Variants in PPFIA1 observed in about 807,000 individuals in gnomAD.
PPFIA1 encodes liprin-alpha-1.
A neutral mutation model predicts 149.9 loss-of-function variants in PPFIA1; 25 were observed. The observed-to-expected ratio is 0.17, with a 90% CI of 0.12 to 0.23. The LOEUF (loss-of-function observed/expected upper bound fraction) is 0.23. Among genes scored for constraint, PPFIA1 ranks in the 10% least tolerant of loss-of-function variants. The pLI, the probability that PPFIA1 is intolerant of heterozygous loss-of-function variation, is 1.00. For missense variants in PPFIA1, 1,362 were observed against 1,506.5 expected (o/e 0.90, Z 1.59); for synonymous variants, 549 against 552.8 (o/e 0.99, Z 0.10).
intron 2 of PPFIA1, among the ~76,000 whole-genome samples, chr11:70,319,105 A>G (rs910724471): frequency 3.3e-5 from 5 of 151,824 alleles, no homozygotes; most frequent in African/African-American, 1.2e-4. Flanking sequence ...TTCAAAACAT[A>G]CTCTTCCCGT....
chr11:70,362,625 C>G, intron 21 of PPFIA1, 137 bp downstream of exon 21: 2 of 826,246 alleles, frequency 2.4e-6, no homozygotes. Context: ...TTTAGCATCA[C>G]ATACATTAGA....
At chr11:70,324,368 CTTAT>C (rs1455446924) in intron 2 of PPFIA1, 30 bp from the exon 3 acceptor site, 4 of 1,517,878 alleles carry the variant, frequency 2.6e-6, no homozygotes, top group East Asian at 2.3e-5. Context: ...GGGGGTCTTT[CTTAT>C]TTATTTAATT....
At chr11:70,363,393 A>T (rs1293792524) in intron 21 of PPFIA1, 1 of 152,200 alleles carries the variant, frequency 6.6e-6, no homozygotes, top group African/African-American at 2.4e-5. Flanking sequence ...ACTTAATGTT[A>T]TGTCTGTGAA....
chr11:70,272,232 A>C lies in PPFIA1; in HGVS notation c.60A>C (p.Gly20=). The change falls in exon 2 of 28, where the codon GGA becomes GGC. Residue 20 remains glycine (G), a synonymous_variant. Coordinates refer to ENST00000253925, the MANE Select transcript of PPFIA1 (RefSeq NM_003626.5). ...CAGAAGGCCCCCCTGGAGGAGGTGG[A>C]GGCCATGGTTCCGGCTCCCCTTCAC... The part of the protein sequence containing the change: ...SEAEGPPGGG[G]GHGSGSPSQP... 6.2e-7 allele frequency: 1 copy of C among 1,614,108 alleles called. No individual in the cohort carries two copies. The highest frequency in any genetic ancestry group is 8.5e-7 in the Non-Finnish European group (1 of 1,179,986).
chr11:70,308,354 G>A (rs548659851), intron 2 of PPFIA1, among the ~76,000 whole-genome samples: 2 of 152,278 alleles, frequency 1.3e-5, no homozygotes, highest in South Asian at 4.1e-4. Context: ...GGCCAGTGAT[G>A]GCTTTAGACT....
chr11:70,333,335 G>GAGT (rs2136968029), intron 9 of PPFIA1, 135 bp from the exon 10 acceptor site: 2 of 708,638 alleles, frequency 2.8e-6, no homozygotes, highest in East Asian at 5.5e-5. Flanking sequence ...GTTGATGGAT[G>GAGT]AGTACATGCT....
chr11:70,296,105 C>T (rs1298348108), intron 2 of PPFIA1, among the ~76,000 whole-genome samples: 2 of 152,060 alleles, frequency 1.3e-5, no homozygotes, highest in Non-Finnish European at 2.9e-5. Context: ...AGAGACGCTC[C>T]TCACTTCCTA....
intron 2 of PPFIA1, among the ~76,000 whole-genome samples, chr11:70,291,774 G>T (rs2051539440): frequency 6.6e-6 from 1 of 151,702 alleles, no homozygotes; most frequent in East Asian, 1.9e-4. Context: ...GGGCTCAGGT[G>T]ATCCTCCCAC....
intron 2 of PPFIA1, among the ~76,000 whole-genome samples, chr11:70,287,316 T>G (rs2510362): frequency 5.3e-5 from 8 of 152,300 alleles, no homozygotes; most frequent in South Asian, 2.1e-4. Context: ...TCCTTTTTTT[T>G]GTACAACTTT....
Position 70,372,455 on chromosome 11 carries a change from ATCTC to A in PPFIA1, c.3042-18_3042-15del, listed in dbSNP as rs1565462351. 3 of 1,612,708 alleles carry A rather than the reference ATCTC, an allele frequency of 1.9e-6. No individual in the cohort carries two copies. The highest frequency in any genetic ancestry group is 3.3e-5 in the Admixed American group (2 of 59,958). The stretch of plus-strand genomic sequence containing the variant: ...TTTTCACTGTTACCATCTCTAAATC[ATCTC>A]TCTTTTCTTCCAAATAGAAACAGTT... On this transcript the variant is annotated intron_variant, in intron 22 of 27. Coordinates refer to ENST00000253925, the MANE Select transcript of PPFIA1 (RefSeq NM_003626.5).
At chr11:70,283,385 T>G (rs535614325) in intron 2 of PPFIA1, among the ~76,000 whole-genome samples, 30 of 152,218 alleles carry the variant, frequency 2.0e-4, no homozygotes, top group African/African-American at 6.5e-4. Context: ...AGGTCCCAAA[T>G]TTTGCCAGTC....
At chr11:70,354,048 G>A (rs2056221242) in intron 16 of PPFIA1, among the ~76,000 whole-genome samples, 3 of 152,140 alleles carry the variant, frequency 2.0e-5, no homozygotes, top group Admixed American at 2.0e-4. Flanking sequence ...GCATGGAGGA[G>A]GCTGAGGATG....
At chr11:70,330,809 T>G (rs2054607082) in intron 8 of PPFIA1, among the ~76,000 whole-genome samples, 1 of 152,076 alleles carries the variant, frequency 6.6e-6, no homozygotes, top group African/African-American at 2.4e-5. Context: ...TGGTGGCATG[T>G]GCCTTTAGCC....
intron 21 of PPFIA1, chr11:70,364,996 A>T (rs896664186): frequency 3.6e-4 from 59 of 166,110 alleles, no homozygotes; most frequent in Admixed American, 3.5e-3. Flanking sequence ...AAAGCCCTCC[A>T]ATAGCCAAAG....
intron 27 of PPFIA1, 93 bp downstream of exon 27, chr11:70,382,251 A>G: frequency 1.1e-6 from 1 of 873,612 alleles, no homozygotes; most frequent in Non-Finnish European, 1.8e-6. Context: ...GTGGACCATG[A>G]AAGCCAGTGC....
chr11:70,329,507 C>T (rs1377881200), intron 7 of PPFIA1, among the ~76,000 whole-genome samples: 1 of 152,062 alleles, frequency 6.6e-6, no homozygotes, highest in Non-Finnish European at 1.5e-5. Flanking sequence ...AGTGCAGTGG[C>T]GCCATCATAG....
intron 2 of PPFIA1, among the ~76,000 whole-genome samples, chr11:70,306,974 A>G (rs2052896242): frequency 6.6e-6 from 1 of 152,216 alleles, no homozygotes; most frequent in South Asian, 2.1e-4. Flanking sequence ...CACCTCTCCC[A>G]GCAGATGGCC....
At chr11:70,344,527 G>A (rs1360989825) in intron 15 of PPFIA1, among the ~76,000 whole-genome samples, 1 of 152,246 alleles carries the variant, frequency 6.6e-6, no homozygotes, top group Non-Finnish European at 1.5e-5. Context: ...CCTGAAAGGA[G>A]CGCGTTGCTA....
intron 2 of PPFIA1, among the ~76,000 whole-genome samples, chr11:70,300,934 C>T (rs2052449157): frequency 6.6e-6 from 1 of 152,070 alleles, no homozygotes; most frequent in Admixed American, 6.6e-5. Context: ...CAAAAGATAC[C>T]CTGGGAGGTG....
Sources: gnomAD v4.1 joint callset for allele counts (sites outside exome capture counted in the v4.1 genomes callset) on GRCh38, gnomAD v4.1.1 for gene constraint, MANE v1.5 for transcripts, NCBI Gene and HGNC (gene_info 2026-07-23, HGNC 2026-07-21) for gene names.